The following SMYD3 variants were observed in gnomAD, a reference collection of about 807,000 sequenced individuals.
The protein encoded by SMYD3 is histone-lysine N-methyltransferase SMYD3.
A neutral mutation model predicts 57.7 loss-of-function variants in SMYD3; 36 were observed. The ratio of observed to expected loss-of-function variants is 0.62; its 90% CI spans 0.48 to 0.82. The LOEUF is 0.82. Ranked by LOEUF, SMYD3 falls within the 40% of genes least tolerant of loss-of-function variation. The pLI, the probability that SMYD3 is intolerant of heterozygous loss-of-function variation, is 0.00. For missense variants in SMYD3, 515 were observed against 538.8 expected, an observed-to-expected ratio of 0.96 and a Z score of 0.44; for synonymous variants, 211 against 195.0, an observed-to-expected ratio of 1.08 and a Z score of -0.68.
At chr1:246,070,966 T>C (rs2060432302) in intron 5 of SMYD3, among the ~76,000 whole-genome samples, 2 of 152,224 alleles carry the variant, frequency 1.3e-5, no homozygotes, top group Admixed American at 1.3e-4. Context: ...CTAGGCATAA[T>C]TATTACAGAT....
intron 5 of SMYD3, among the ~76,000 whole-genome samples, chr1:245,991,614 G>A (rs1236679456): frequency 6.6e-6 from 1 of 152,250 alleles, no homozygotes; most frequent in Admixed American, 6.5e-5. Context: ...CTCCCCGGCT[G>A]TTTGCCAGGG....
At chr1:245,801,346 C>G (rs2047851044) in intron 10 of SMYD3, among the ~76,000 whole-genome samples, 1 of 152,230 alleles carries the variant, frequency 6.6e-6, no homozygotes, top group African/African-American at 2.4e-5. Context: ...CCACAAGACG[C>G]TGATGAGTGC....
At chr1:246,271,073 C>T (rs920116867) in intron 5 of SMYD3, among the ~76,000 whole-genome samples, 1 of 152,150 alleles carries the variant, frequency 6.6e-6, no homozygotes, top group Non-Finnish European at 1.5e-5. Context: ...ATTAGTGATG[C>T]TAAGCATCTT....
chr1:246,318,552 C>T (rs2065200129), intron 5 of SMYD3, among the ~76,000 whole-genome samples: 1 of 152,102 alleles, frequency 6.6e-6, no homozygotes, highest in Non-Finnish European at 1.5e-5. Flanking sequence ...ATTCCTGGCT[C>T]CACGTAATTG....
intron 5 of SMYD3, among the ~76,000 whole-genome samples, chr1:246,258,162 G>A (rs1301534766): frequency 6.6e-6 from 1 of 151,968 alleles, no homozygotes; most frequent in Admixed American, 6.6e-5. Flanking sequence ...TCAGCCTCCC[G>A]AGTAGCTGGG....
intron 1 of SMYD3, among the ~76,000 whole-genome samples, chr1:246,485,747 A>G (rs1175678153): frequency 6.6e-6 from 1 of 152,146 alleles, no homozygotes; most frequent in African/African-American, 2.4e-5. Context: ...CTAGGATCAC[A>G]CCACTGCAGT....
intron 5 of SMYD3, among the ~76,000 whole-genome samples, chr1:246,208,986 G>C (rs989491572): frequency 1.3e-5 from 2 of 152,042 alleles, no homozygotes; most frequent in Admixed American, 1.3e-4. Flanking sequence ...TCGCTGTTGA[G>C]TATAGTCTGA....
chr1:245,765,872 C>A (rs2046070103), intron 10 of SMYD3, among the ~76,000 whole-genome samples: 1 of 152,112 alleles, frequency 6.6e-6, no homozygotes, highest in South Asian at 2.1e-4. Flanking sequence ...ACCCAGAGAA[C>A]CCCATCTAAG....
intron 5 of SMYD3, among the ~76,000 whole-genome samples, chr1:246,178,268 C>T (rs2062468150): frequency 6.6e-6 from 1 of 152,148 alleles, no homozygotes; most frequent in South Asian, 2.1e-4. Context: ...TGGCACCCAT[C>T]ACCTTCAAGA....
chr1:245,902,043 G>A lies in SMYD3; in HGVS notation c.813+13487C>T, dbSNP rs564273641. Among the ~76,000 whole-genome samples the A allele has an allele frequency of 7.2e-5, 11 of 152,226 alleles. No homozygotes were observed. The South Asian group carries it at 1.0e-3, about 14-fold the overall frequency. ...GGCATGGCACCATTTTAAGAGCCCAGCAACAACCAGACTATATCCTGCCCT... is the reference window on the plus strand; with the variant it reads ...GGCATGGCACCATTTTAAGAGCCCAACAACAACCAGACTATATCCTGCCCT... On this transcript the variant is annotated intron_variant, in intron 8 of 11. Transcript: ENST00000490107.
At chr1:246,067,894 G>A (rs367775383) in intron 5 of SMYD3, among the ~76,000 whole-genome samples, 5 of 152,212 alleles carry the variant, frequency 3.3e-5, no homozygotes, top group African/African-American at 9.6e-5. Flanking sequence ...CAAATAGTTC[G>A]AAAGGCCACA....
intron 5 of SMYD3, among the ~76,000 whole-genome samples, chr1:246,265,455 G>T (rs919968713): frequency 9.9e-5 from 15 of 151,600 alleles, no homozygotes; most frequent in South Asian, 4.2e-4. Context: ...CGTTTTTTTT[G>T]TTGTTGTTGT....
At chr1:245,830,699 A>G (rs1195758896) in intron 10 of SMYD3, among the ~76,000 whole-genome samples, 2 of 152,202 alleles carry the variant, frequency 1.3e-5, no homozygotes, top group African/African-American at 4.8e-5. Flanking sequence ...CTTAGCGATA[A>G]CAGATTTTCC....
chr1:245,790,395 G>A (rs191973395), intron 10 of SMYD3, among the ~76,000 whole-genome samples: 60 of 152,280 alleles, frequency 3.9e-4, no homozygotes, highest in Middle Eastern at 3.4e-3. Flanking sequence ...GGGGCAACAC[G>A]GGCAGAGCCC....
At chr1:245,928,116 C>A in intron 6 of SMYD3, 83 bp from the exon 7 acceptor site, 1 of 1,083,940 alleles carries the variant, frequency 9.2e-7, no homozygotes, top group Non-Finnish European at 1.4e-6. Flanking sequence ...GTAAAATACA[C>A]CTTCCTTTGG....
intron 10 of SMYD3, among the ~76,000 whole-genome samples, chr1:245,816,146 C>G (rs2048789507): frequency 6.6e-6 from 1 of 152,210 alleles, no homozygotes; most frequent in African/African-American, 2.4e-5. Flanking sequence ...AATAAAGAAG[C>G]TCCTACCTGT....
At chr1:246,299,626 G>A (rs1436770404) in intron 5 of SMYD3, among the ~76,000 whole-genome samples, 1 of 152,056 alleles carries the variant, frequency 6.6e-6, no homozygotes, top group Non-Finnish European at 1.5e-5. Flanking sequence ...TTTAAAATGT[G>A]GTACATATGC....
intron 5 of SMYD3, among the ~76,000 whole-genome samples, chr1:246,032,826 G>T (rs938072328): frequency 6.6e-6 from 1 of 152,190 alleles, no homozygotes; most frequent in Non-Finnish European, 1.5e-5. Context: ...CACTGGAAAA[G>T]ATGTAGATTT....
At chr1:246,235,611 T>C (rs751506388) in intron 5 of SMYD3, among the ~76,000 whole-genome samples, 1 of 152,136 alleles carries the variant, frequency 6.6e-6, no homozygotes, top group Non-Finnish European at 1.5e-5. Flanking sequence ...AGACTCACAG[T>C]AGTACCAACT....
Sources: allele counts gnomAD v4.1 joint callset (sites outside exome capture counted in the v4.1 genomes callset), GRCh38; gene constraint gnomAD v4.1.1; transcripts MANE v1.5; gene names NCBI Gene and HGNC (gene_info 2026-07-23, HGNC 2026-07-21).